Variants in TRPC3 observed in about 807,000 individuals in gnomAD.
TRPC3 encodes the protein transient receptor potential cation channel subfamily C member 3.
Under a neutral mutation model 90.9 loss-of-function variants are expected in TRPC3, and 54 were observed. That is an observed-to-expected ratio of 0.59 (90% confidence interval 0.48 to 0.75). The LOEUF is 0.75. TRPC3 is among the 30% of genes least tolerant of loss of function. The probability of loss-of-function intolerance (pLI) is 0.00; values close to 1 mark genes in which losing one functional copy is unlikely to be tolerated. For synonymous variants in TRPC3, 424 were observed against 450.9 expected (o/e 0.94, Z 0.75); for missense variants, 918 against 1,194.5 (o/e 0.77, Z 3.41).
intron 5 of TRPC3, among the ~76,000 whole-genome samples, chr4:121,910,888 C>T (rs1729060224): frequency 6.6e-6 from 1 of 152,088 alleles, no homozygotes; most frequent in Non-Finnish European, 1.5e-5. Context: ...TTCTCATTTC[C>T]ATGTCATGCT....
rs779641419 is a variant in TRPC3 at position 121,914,891 on chromosome 4, G to A, written c.1230C>T (p.Asn410=). 7 of 1,613,346 alleles carry A rather than the reference G, an allele frequency of 4.3e-6. No homozygotes were observed. Among genetic ancestry groups the A allele is most frequent in the South Asian group, 2.2e-5 (2 of 90,996 alleles). ...QQQLLTIWYE[N]LSGLREQTIA... is the part of the protein sequence containing the mutation. ...TGGTCTGCTCCCTTAGGCCTGAGAGGTTCTCATACCAGATCGTCAAGAGCT... is the reference window on the plus strand; with the variant it reads ...TGGTCTGCTCCCTTAGGCCTGAGAGATTCTCATACCAGATCGTCAAGAGCT... The change falls in exon 4 of 12, where the codon AAC becomes AAT. Residue 410 remains asparagine (N), a synonymous_variant. Transcript: ENST00000379645.
chr4:121,888,463 T>C (rs1171260395), intron 10 of TRPC3, among the ~76,000 whole-genome samples: 1 of 152,220 alleles, frequency 6.6e-6, no homozygotes, highest in African/African-American at 2.4e-5. Flanking sequence ...TTTAAAGATG[T>C]TCTAAAAATA....
intron 4 of TRPC3, 103 bp downstream of exon 4, chr4:121,914,677 A>C (rs1050879103): frequency 8.5e-7 from 1 of 1,177,218 alleles, no homozygotes; most frequent in Admixed American, 2.6e-5. Context: ...ATTAACATTC[A>C]GGGTAAAACT....
Position 121,875,970 on chromosome 4 carries a change from C to G in TRPC3, c.*3766G>C, listed in dbSNP as rs1439605413. 2.8e-5 allele frequency among the ~76,000 whole-genome samples: 4 copies of G among 141,206 alleles called. No homozygotes were observed. The highest frequency in any genetic ancestry group is 7.8e-5 in the Admixed American group (1 of 12,796). 92.6% of individuals were successfully genotyped at this position (141,206 alleles called of 152,430 possible). A position where few individuals can be genotyped will look rare whatever the true frequency, so the allele number is the denominator to read the frequency against. ...GCTGGAGTGCAGTGGCGTGAACCAGCTCACTGCAGCCTCAACTTCCTGGGC... is the reference window on the plus strand; with the variant it reads ...GCTGGAGTGCAGTGGCGTGAACCAGGTCACTGCAGCCTCAACTTCCTGGGC... On this transcript the variant is annotated 3_prime_UTR_variant, in exon 12 of 12. Coordinates refer to ENST00000379645, the MANE Select transcript of TRPC3 (RefSeq NM_001130698.2).
In TRPC3 at chr4:121,937,426, T is replaced by C. The variant is rs550836609; in HGVS notation, c.216-4384A>G. On this transcript the variant is annotated intron_variant, in intron 1 of 11. Coordinates refer to ENST00000379645, the MANE Select transcript of TRPC3 (RefSeq NM_001130698.2). Reference sequence around the variant, plus strand: ...TAAGGGACAAGTAGCCTCACATTCATTTAGTTTCTCTAAACTTTATTAACT... The same window carrying C: ...TAAGGGACAAGTAGCCTCACATTCACTTAGTTTCTCTAAACTTTATTAACT... 4.6e-5 allele frequency among the ~76,000 whole-genome samples: 7 copies of C among 152,366 alleles called. No individual in the cohort carries two copies. The South Asian group carries it at 1.2e-3, about 27-fold the overall frequency.
In TRPC3 at chr4:121,932,943, G is replaced by C. The variant is rs144836583; in HGVS notation, c.315C>G (p.Arg105=). Residue 105 remains arginine (R), a synonymous_variant, in exon 2 of 12, where the codon CGC becomes CGG. Coordinates refer to ENST00000379645, the MANE Select transcript of TRPC3 (RefSeq NM_001130698.2). The surrounding 1 kb of genome is among the most constrained non-coding windows in gnomAD (Gnocchi z 7.7). The part of the protein sequence containing the change: ...VRGPAFMFND[R]GTSLTAEEER... Reference sequence around the variant, plus strand: ...CCTCCTCGGCGGTGAGGCTGGTGCCGCGGTCATTGAACATGAAGGCCGGGC... The same window carrying C: ...CCTCCTCGGCGGTGAGGCTGGTGCCCCGGTCATTGAACATGAAGGCCGGGC... 5.6e-6 allele frequency: 9 copies of C among 1,613,834 alleles called. No homozygotes were observed. Among genetic ancestry groups the C allele is most frequent in the Non-Finnish European group, 7.6e-6 (9 of 1,179,932 alleles).
rs1730716180 is a variant in TRPC3, at chr4:121,951,092, C to T, written c.215+374G>A. Reference sequence around the variant, plus strand: ...TGGGTAAGCTCGGGACCCCGGGGTCCGTCTTCCAAGGGGTGCCCAGCCCTG... The same window carrying T: ...TGGGTAAGCTCGGGACCCCGGGGTCTGTCTTCCAAGGGGTGCCCAGCCCTG... On this transcript the variant is annotated intron_variant, in intron 1 of 11. Transcript: ENST00000379645. This position sits in a 1 kb window ranked among gnomAD's most constrained non-coding sequence, Gnocchi z 4.4. 6.6e-6 allele frequency among the ~76,000 whole-genome samples: 1 copy of T among 152,170 alleles called. No individual in the cohort carries two copies. The highest frequency in any genetic ancestry group is 6.5e-5 in the Admixed American group (1 of 15,288).
intron 11 of TRPC3, among the ~76,000 whole-genome samples, chr4:121,881,414 C>T (rs1250480694): frequency 2.6e-5 from 4 of 151,992 alleles, no homozygotes; most frequent in African/African-American, 7.2e-5. Flanking sequence ...ATGGAGATTA[C>T]GGTACAACTC....
Position 121,882,444 on chromosome 4 carries a change from T to G in TRPC3, c.2548-15A>C, listed in dbSNP as rs1156570706. 1 of 1,607,120 alleles carries G rather than the reference T, an allele frequency of 6.2e-7. No homozygotes were observed. The highest frequency in any genetic ancestry group is 2.2e-5 in the East Asian group (1 of 44,580). ...TTCATTATCTGCTGTTGGGCAAAAG[T>G]AAATGATTAGATCTCCAATGATATA... On this transcript the variant is annotated splice_polypyrimidine_tract_variant and intron_variant, in intron 10 of 11. Coordinates refer to ENST00000379645, the MANE Select transcript of TRPC3 (RefSeq NM_001130698.2).
chr4:121,910,084 C>T (rs1373044894), intron 6 of TRPC3, 70 bp downstream of exon 6: 2 of 1,199,152 alleles, frequency 1.7e-6, no homozygotes, highest in Non-Finnish European at 2.4e-6. Context: ...CTCCAATTGG[C>T]ATTTCCTTCC....
intron 7 of TRPC3, among the ~76,000 whole-genome samples, chr4:121,904,859 G>A (rs1728826331): frequency 6.6e-6 from 1 of 152,084 alleles, no homozygotes; most frequent in African/African-American, 2.4e-5. Flanking sequence ...ATGTGATTTA[G>A]AAATTTAAAT....
intron 9 of TRPC3, among the ~76,000 whole-genome samples, chr4:121,899,949 A>G (rs1390216158): frequency 1.3e-5 from 2 of 152,168 alleles, no homozygotes; most frequent in East Asian, 3.8e-4. Flanking sequence ...TATATGTTAA[A>G]AATTGGCTCA....
chr4:121,882,478 C>T lies in TRPC3; in HGVS notation c.2548-49G>A, dbSNP rs779365035. ...AGATCTCCAATGATATACATAAGTG[C>T]CCCAATCCTATTTTCCAAAGAGGCT... On this transcript the variant is annotated intron_variant, in intron 10 of 11. Coordinates refer to ENST00000379645, the MANE Select transcript of TRPC3 (RefSeq NM_001130698.2). The T allele has an allele frequency of 5.2e-6, 8 of 1,547,584 alleles. No individual in the cohort carries two copies. The African/African-American group carries it at 9.7e-5, about 19-fold the overall frequency.
At position 121,901,413 on chromosome 4, in the gene TRPC3, G is replaced by C. The variant is rs76033343; in HGVS notation, c.2463+1439C>G. On this transcript the variant is annotated intron_variant, in intron 9 of 11. Transcript: ENST00000379645. Reference sequence around the variant, plus strand: ...GAACATGAGGCATCCAGGTGCCGCAGAGAGAGCTAGGCATCTGATGCTAAA... The same window carrying C: ...GAACATGAGGCATCCAGGTGCCGCACAGAGAGCTAGGCATCTGATGCTAAA... Among the ~76,000 whole-genome samples, 949 of 152,306 alleles carry C rather than the reference G, an allele frequency of 6.2e-3. 9 individuals are homozygous for C. The highest frequency in any genetic ancestry group is 0.022 in the African/African-American group (909 of 41,570).
At chr4:121,947,695 T>G (rs1935316945) in intron 1 of TRPC3, among the ~76,000 whole-genome samples, 1 of 152,188 alleles carries the variant, frequency 6.6e-6, no homozygotes, top group African/African-American at 2.4e-5. Flanking sequence ...TTTAAGTGAA[T>G]GAGTATAAAC....
chr4:121,922,173 C>A (rs938241641), intron 3 of TRPC3, among the ~76,000 whole-genome samples: 1 of 151,904 alleles, frequency 6.6e-6, no homozygotes, highest in African/African-American at 2.4e-5. Context: ...CCACCTGCCT[C>A]GGCCCCCCAA....
intron 10 of TRPC3, among the ~76,000 whole-genome samples, chr4:121,890,222 T>C (rs755871763): frequency 2.6e-5 from 4 of 152,154 alleles, no homozygotes; most frequent in Admixed American, 6.5e-5. Context: ...TATAGTTAGA[T>C]AGAAGAAGTA....
intron 1 of TRPC3, among the ~76,000 whole-genome samples, chr4:121,935,419 GGTGT>G (rs34252770): frequency 0.42 from 61,114 of 147,134 alleles, 13,206 homozygotes; most frequent in East Asian, 0.58. Flanking sequence ...ACATGTGTGG[GGTGT>G]GTGTGTGTGT....
intron 3 of TRPC3, among the ~76,000 whole-genome samples, chr4:121,917,866 G>A (rs1729370166): frequency 6.6e-6 from 1 of 152,166 alleles, no homozygotes; most frequent in Admixed American, 6.5e-5. Flanking sequence ...AATCAACAAT[G>A]TAGTTTTTAG....
Sources: gnomAD v4.1 joint callset for allele counts (sites outside exome capture counted in the v4.1 genomes callset) on GRCh38, gnomAD v4.1.1 for gene constraint, Gnocchi (gnomAD v3.1) non-coding constraint, MANE v1.5 for transcripts, NCBI Gene and HGNC (gene_info 2026-07-23, HGNC 2026-07-21) for gene names.